BAHCC1: variants seen among roughly 807,000 people sequenced by gnomAD.
The protein encoded by BAHCC1 is BAH and coiled-coil domain-containing protein 1.
A neutral mutation model predicts 88.2 loss-of-function variants in BAHCC1; 43 were observed. That is an observed-to-expected ratio of 0.49 (90% CI 0.38 to 0.63). The LOEUF is 0.63. BAHCC1 is among the 20% of genes least tolerant of loss of function. The probability of loss-of-function intolerance (pLI) is 0.00; values close to 1 mark genes in which losing one functional copy is unlikely to be tolerated. For missense variants in BAHCC1, 3,023 were observed against 1,654.8 expected (o/e 1.83, Z -14.34); for synonymous variants, 1,510 against 745.5 (o/e 2.03, Z -16.71).
rs782392801 is a variant in BAHCC1, at chr17:81,462,057, C to T, written c.7383+11C>T. 1.5e-5 allele frequency: 11 copies of T among 733,912 alleles called. No individual in the cohort carries two copies. Among genetic ancestry groups the T allele is most frequent in the Admixed American group, 3.8e-5 (2 of 52,516 alleles). The allele number at this position is 733,912 out of a possible 1,614,324, so 45.5% of individuals were successfully genotyped here. ...GGGAATCCCACACAGGTAGGTCCAG[C>T]GGGAGGCGGGAGGAGCTCCTGGTTC... is the stretch of plus-strand genomic sequence containing the variant. On this transcript the variant is annotated intron_variant, in intron 26 of 27. Coordinates refer to ENST00000675386, the MANE Select transcript of BAHCC1 (RefSeq NM_001377448.1).
intron 2 of BAHCC1, among the ~76,000 whole-genome samples, chr17:81,424,579 T>A (rs2064152015): frequency 6.6e-6 from 1 of 152,098 alleles, no homozygotes; most frequent in Non-Finnish European, 1.5e-5. Context: ...TTGTTGTGGT[T>A]GGTGATGGTG....
intron 4 of BAHCC1, among the ~76,000 whole-genome samples, chr17:81,439,251 A>T (rs2064378908): frequency 6.6e-6 from 1 of 152,174 alleles, no homozygotes; most frequent in South Asian, 2.1e-4. Context: ...CATTTTAAAA[A>T]GTTCTCCTTG....
chr17:81,420,996 C>G (rs906063117), intron 2 of BAHCC1, among the ~76,000 whole-genome samples: 3 of 152,250 alleles, frequency 2.0e-5, no homozygotes, highest in African/African-American at 4.8e-5. Context: ...TGGTCATGCT[C>G]CATCTCTTAC....
rs1389009947 is a variant in BAHCC1, at chr17:81,437,089, A to C, written c.359-1281A>C. Among the ~76,000 whole-genome samples, 4 of 152,198 alleles carry C rather than the reference A, an allele frequency of 2.6e-5. No individual in the cohort carries two copies. The East Asian group carries it at 7.7e-4, about 29-fold the overall frequency. On this transcript the variant is annotated intron_variant, in intron 3 of 27. Coordinates refer to ENST00000675386, the MANE Select transcript of BAHCC1 (RefSeq NM_001377448.1). Reference sequence around the variant, plus strand: ...CTGGGATTGCGGTGTGGGGTGCCCCAGTTGGACTAGGGGGCCTGTTTTCCA... The same window carrying C: ...CTGGGATTGCGGTGTGGGGTGCCCCCGTTGGACTAGGGGGCCTGTTTTCCA...
intron 14 of BAHCC1, among the ~76,000 whole-genome samples, 196 bp from the exon 15 acceptor site, chr17:81,455,071 G>T (rs2064721407): frequency 6.6e-6 from 1 of 152,182 alleles, no homozygotes; most frequent in Admixed American, 6.5e-5. Flanking sequence ...AGAGGGGCTG[G>T]CTGCAGGCAG....
rs1312858473 is a variant in BAHCC1, at chr17:81,458,041, G to T, written c.5042-124G>T. 51 of 634,692 alleles carry T rather than the reference G, an allele frequency of 8.0e-5. No individual in the cohort carries two copies. In the East Asian group the frequency reaches 1.1e-3, roughly 13 times the overall value. The allele number at this position is 634,692 out of a possible 1,614,324, so 39.3% of individuals were successfully genotyped here. A position where few individuals can be genotyped will look rare whatever the true frequency, so the allele number is the denominator to read the frequency against. ...AACCAGGAGGGGGAGGGCAGAGGTT[G>T]CTGGGTAACCCGGGGGCGGGCAGGG... On this transcript the variant is annotated intron_variant, in intron 17 of 27. Coordinates refer to ENST00000675386, the MANE Select transcript of BAHCC1 (RefSeq NM_001377448.1).
chr17:81,461,035 G>T lies in BAHCC1; in HGVS notation c.6372G>T (p.Gln2124His). Residue 2124 changes from glutamine to histidine, a missense_variant, in exon 26 of 28, where the codon CAG (glutamine) becomes CAT (histidine). Physicochemically the swap from Gln to His is conservative, Grantham distance 24. Transcript: ENST00000675386. Reference sequence around the variant, plus strand: ...CGGGGGTGCTGCAGAACCTCTTCCAGCTCAACGGCAGCAGCAAGAAGCTGC... The same window carrying T: ...CGGGGGTGCTGCAGAACCTCTTCCATCTCAACGGCAGCAGCAAGAAGCTGC... ...KGPGVLQNLF[Q>H]LNGSSKKLRA... The T allele has an allele frequency of 1.3e-6, 1 of 772,874 alleles. No individual in the cohort carries two copies. The allele number at this position is 772,874 out of a possible 1,614,324, so 47.9% of individuals were successfully genotyped here. A position where few individuals can be genotyped will look rare whatever the true frequency, so the allele number is the denominator to read the frequency against.
chr17:81,420,680 G>A (rs1309600407), intron 2 of BAHCC1, among the ~76,000 whole-genome samples: 4 of 152,244 alleles, frequency 2.6e-5, no homozygotes, highest in Admixed American at 6.5e-5. Context: ...GCCAGAGCCC[G>A]GTCTGGATCT....
rs538228920 is a variant in BAHCC1 at position 81,424,827 on chromosome 17, A to G, written c.179-1973A>G. Reference sequence around the variant, plus strand: ...ATAGTGCTGGGTGATATGGTTGGTGATGATGATGTGGTTGGTGACAGGTGA... The same window carrying G: ...ATAGTGCTGGGTGATATGGTTGGTGGTGATGATGTGGTTGGTGACAGGTGA... On this transcript the variant is annotated intron_variant, in intron 2 of 27. Transcript: ENST00000675386. Among the ~76,000 whole-genome samples, 7 of 143,702 alleles carry G rather than the reference A, an allele frequency of 4.9e-5. No individual in the cohort carries two copies. In the East Asian group the frequency reaches 6.4e-4, roughly 13 times the overall value. The allele number at this position is 143,702 out of a possible 152,430, so 94.3% of individuals were successfully genotyped here. A position where few individuals can be genotyped will look rare whatever the true frequency, so the allele number is the denominator to read the frequency against.
rs368653379 is a variant in BAHCC1 at position 81,451,772 on chromosome 17, G to A, written c.4081G>A (p.Ala1361Thr). ...AAGLDSSTAP[A>T]QPPTANPCSG... ...TGGCCTGGACAGCTCCACTGCCCCA[G>A]CGCAGCCGCCCACAGCCAACCCCTG... The change falls in exon 12 of 28, where the codon GCG becomes ACG. Residue 1361 changes from alanine (A) to threonine (T), a missense_variant. Physicochemically the swap from Ala to Thr is moderately conservative, Grantham distance 58 (BLOSUM62 0). Coordinates refer to ENST00000675386, the MANE Select transcript of BAHCC1 (RefSeq NM_001377448.1). 1.5e-3 allele frequency: 1,164 copies of A among 769,438 alleles called. 18 individuals carry two copies. The highest frequency in any genetic ancestry group is 0.015 in the South Asian group (1,089 of 73,850). The allele number at this position is 769,438 out of a possible 1,614,324, so 47.7% of individuals were successfully genotyped here.
intron 2 of BAHCC1, among the ~76,000 whole-genome samples, chr17:81,412,937 A>C (rs527517476): frequency 1.3e-5 from 2 of 151,736 alleles, no homozygotes; most frequent in Non-Finnish European, 2.9e-5. Context: ...TGCTGGCTGG[A>C]AGGAGAGAGT....
intron 1 of BAHCC1, 123 bp downstream of exon 1, chr17:81,395,758 TAAG>T (rs1333095872): frequency 2.0e-5 from 3 of 151,932 alleles, no homozygotes; most frequent in African/African-American, 4.8e-5. Flanking sequence ...ATTGTGATGT[TAAG>T]AAGTATATAT....
At chr17:81,430,910 C>T (rs1326674684) in intron 3 of BAHCC1, among the ~76,000 whole-genome samples, 2 of 152,050 alleles carry the variant, frequency 1.3e-5, no homozygotes, top group African/African-American at 4.8e-5. Flanking sequence ...GCTGTCCCTG[C>T]CCATGTGCGA....
chr17:81,431,742 C>T (rs1386275573), intron 3 of BAHCC1, among the ~76,000 whole-genome samples: 1 of 152,218 alleles, frequency 6.6e-6, no homozygotes, highest in African/African-American at 2.4e-5. Context: ...GCTGAGGAAA[C>T]TGAGGCTGAG....
At chr17:81,459,725 G>C (rs2030073864) in intron 23 of BAHCC1, 121 bp downstream of exon 23, 1 of 463,656 alleles carries the variant, frequency 2.2e-6, no homozygotes, top group African/African-American at 2.0e-5. Context: ...TGCTTAGACA[G>C]AGTACGACAA....
chr17:81,429,311 G>A (rs1017933525), intron 3 of BAHCC1, among the ~76,000 whole-genome samples: 14 of 152,230 alleles, frequency 9.2e-5, no homozygotes, highest in Non-Finnish European at 1.8e-4. Flanking sequence ...ACACACCTGC[G>A]AGGCCCGTGC....
intron 2 of BAHCC1, among the ~76,000 whole-genome samples, chr17:81,425,678 G>C (rs1285368573): frequency 1.2e-5 from 1 of 80,878 alleles, no homozygotes; most frequent in Non-Finnish European, 2.6e-5. Flanking sequence ...GTGATGGTGG[G>C]TGATGTGGTT....
chr17:81,462,128 CT>C (rs781395858), intron 26 of BAHCC1, 82 bp downstream of exon 26: 9 of 636,598 alleles, frequency 1.4e-5, no homozygotes, highest in Non-Finnish European at 2.5e-5. Context: ...GCCCTTCCCT[CT>C]CCTTTTTCAT....
chr17:81,451,879 A>G lies in BAHCC1; in HGVS notation c.4179+9A>G. 1.4e-6 allele frequency: 1 copy of G among 723,394 alleles called. No homozygotes were observed. Among genetic ancestry groups the G allele is most frequent in the Non-Finnish European group, 2.5e-6 (1 of 395,486 alleles). The allele number at this position is 723,394 out of a possible 1,614,324, so 44.8% of individuals were successfully genotyped here. A position where few individuals can be genotyped will look rare whatever the true frequency, so the allele number is the denominator to read the frequency against. On this transcript the variant is annotated intron_variant, in intron 12 of 27. Coordinates refer to ENST00000675386, the MANE Select transcript of BAHCC1 (RefSeq NM_001377448.1). The stretch of plus-strand genomic sequence containing the variant: ...CCCCCAAGACCAAGCCTGTGAGTGG[A>G]GGTCCCAGTGCCCACGTCGCCCAGT...
Sources: allele counts gnomAD v4.1 joint callset (sites outside exome capture counted in the v4.1 genomes callset), GRCh38; gene constraint gnomAD v4.1.1; transcripts MANE v1.5; gene names NCBI Gene and HGNC (gene_info 2026-07-23, HGNC 2026-07-21).